CBLC: variants seen among roughly 807,000 people sequenced by gnomAD.
CBLC encodes the protein E3 ubiquitin-protein ligase CBL-C.
Under a neutral mutation model 58.6 loss-of-function variants are expected in CBLC, and 46 were observed. That is an observed-to-expected ratio of 0.79 (90% CI 0.62 to 1.00). The LOEUF (loss-of-function observed/expected upper bound fraction) is 1.00. Ranked by LOEUF, CBLC falls within the 50% of genes least tolerant of loss-of-function variation. The probability of loss-of-function intolerance (pLI) is 0.00; values close to 1 mark genes in which losing one functional copy is unlikely to be tolerated. For missense variants in CBLC, 655 were observed against 625.8 expected, an observed-to-expected ratio of 1.05 and a Z score of -0.50; for synonymous variants, 271 against 264.2, an observed-to-expected ratio of 1.03 and a Z score of -0.25.
Position 44,791,403 on chromosome 19 carries a change from G to C in CBLC, c.1006-980G>C, listed in dbSNP as rs142887024. Among the ~76,000 whole-genome samples, 1,270 of 152,152 alleles carry C rather than the reference G, an allele frequency of 8.3e-3. 24 individuals are homozygous for C. The highest frequency in any genetic ancestry group is 0.03 in the African/African-American group (1,225 of 41,514). On this transcript the variant is annotated intron_variant, in intron 6 of 10. Transcript: ENST00000647358. ...TATTTGCTAAATCTGGCACCACTGG[G>C]TGTAGACAACTGGGGAGAAGAAGTC...
At position 44,794,203 on chromosome 19, in the gene CBLC, G is replaced by A; in HGVS notation, c.1285-1G>A. The A allele has an allele frequency of 4.4e-6, 7 of 1,608,176 alleles. No homozygotes were observed. Among genetic ancestry groups the A allele is most frequent in the South Asian group, 2.2e-5 (2 of 90,332 alleles). ...CTTCTCCTTCCTCTGTCCCACCCCA[G>A]GTGCCCCTTTCGGCTCCTCCATTGC... On this transcript the variant is annotated splice_acceptor_variant, in intron 8 of 10. Transcript: ENST00000647358. LOFTEE classifies it high-confidence loss of function.
Position 44,793,637 on chromosome 19 carries a change from G to A in CBLC, c.1284+17G>A, listed in dbSNP as rs118085256. 0.032 allele frequency: 51,388 copies of A among 1,581,172 alleles called. 1,023 individuals are homozygous for A. The highest frequency in any genetic ancestry group is 0.055 in the Middle Eastern group (324 of 5,936). ...CTGGGGCAGGTGAGCAGGGCCAGCCGGGAGCTGGAATCCAAATTCCTGAGG... is the reference window on the plus strand; with the variant it reads ...CTGGGGCAGGTGAGCAGGGCCAGCCAGGAGCTGGAATCCAAATTCCTGAGG... On this transcript the variant is annotated intron_variant, in intron 8 of 10. Coordinates refer to ENST00000647358, the MANE Select transcript of CBLC (RefSeq NM_012116.4).
chr19:44,792,815 T>A (rs1385397033), intron 7 of CBLC, among the ~76,000 whole-genome samples: 1 of 152,092 alleles, frequency 6.6e-6, no homozygotes, highest in African/African-American at 2.4e-5. Context: ...CTTAGCCTCG[T>A]CCCCTGGAGA....
At chr19:44,786,642 G>T (rs1299111675) in intron 5 of CBLC, among the ~76,000 whole-genome samples, 1 of 151,744 alleles carries the variant, frequency 6.6e-6, no homozygotes, top group Non-Finnish European at 1.5e-5. Context: ...ACTTTATTCA[G>T]TACCTATTGT....
At chr19:44,790,175 A>G in intron 6 of CBLC, 84 bp downstream of exon 6, 2 of 1,026,994 alleles carry the variant, frequency 1.9e-6, no homozygotes, top group Non-Finnish European at 3.1e-6. Flanking sequence ...CTGGGGTTGG[A>G]ATGTTGGCTT....
rs1348916531 is a variant in CBLC at position 44,793,475 on chromosome 19, A to G, written c.1139A>G (p.His380Arg). 1 of 1,605,714 alleles carries G rather than the reference A, an allele frequency of 6.2e-7. No homozygotes were observed. The highest frequency in any genetic ancestry group is 1.3e-5 in the African/African-American group (1 of 74,396). ...CCTTTCCCTCCCGACCTCCCCCAGC[A>G]CTCGGACAGCCAGACCTGCCCCTTC... ...LCSCCLAAWQHSDSQTCPFCR... is the reference protein window; with the variant it reads ...LCSCCLAAWQRSDSQTCPFCR... The change falls in exon 8 of 11, where the codon CAC becomes CGC. Residue 380 changes from histidine to arginine, a missense_variant and splice_region_variant. Physicochemically the swap from His to Arg is conservative, Grantham distance 29 (BLOSUM62 0). Around this residue, in one of 3 missense-constraint regions of CBLC, gnomAD observed 371 missense variants for 370.8 expected, o/e 1.00. Transcript: ENST00000647358.
intron 9 of CBLC, among the ~76,000 whole-genome samples, chr19:44,797,111 C>A (rs939895321): frequency 6.6e-6 from 1 of 152,158 alleles, no homozygotes; most frequent in Admixed American, 6.5e-5. Flanking sequence ...CCGCCTCCCC[C>A]ACCCTTTCCT....
At chr19:44,793,284 C>T (rs1236414514) in intron 7 of CBLC, among the ~76,000 whole-genome samples, 190 bp from the exon 8 acceptor site, 1 of 152,104 alleles carries the variant, frequency 6.6e-6, no homozygotes, top group Non-Finnish European at 1.5e-5. Context: ...TGGTTCCGTT[C>T]CTCTCTCACC....
At chr19:44,787,407 AAAAAT>A (rs1338270124) in intron 5 of CBLC, among the ~76,000 whole-genome samples, 2 of 151,920 alleles carry the variant, frequency 1.3e-5, no homozygotes, top group African/African-American at 2.4e-5. Context: ...AAATAAAAAT[AAAAAT>A]AAAATAAAGT....
chr19:44,800,401 C>A lies in CBLC; in HGVS notation c.1383C>A (p.Ser461=), dbSNP rs781728391. ...TGCAGAGACTCCTAAAGGGGAACTC[C>A]CCTCCAGCTGCGCTGGGACCCCAGG... ...QPKVRLLKGN[S]PPAALGPQDP... Residue 461 remains serine, a synonymous_variant, in exon 10 of 11, where the codon TCC becomes TCA. Coordinates refer to ENST00000647358, the MANE Select transcript of CBLC (RefSeq NM_012116.4). The A allele has an allele frequency of 6.2e-7, 1 of 1,613,202 alleles. No homozygotes were observed. Among genetic ancestry groups the A allele is most frequent in the Admixed American group, 1.7e-5 (1 of 60,006 alleles).
intron 5 of CBLC, 80 bp from the exon 6 acceptor site, chr19:44,789,924 T>G (rs1427277849): frequency 1.1e-6 from 1 of 922,060 alleles, no homozygotes; most frequent in Admixed American, 1.7e-5. Context: ...TGGGGCCCTG[T>G]AGGGGGTAAA....
intron 9 of CBLC, among the ~76,000 whole-genome samples, chr19:44,796,693 T>A (rs1968185210): frequency 6.6e-6 from 1 of 152,092 alleles, no homozygotes; most frequent in Non-Finnish European, 1.5e-5. Flanking sequence ...CCTACTTATT[T>A]TTTAATAAGC....
chr19:44,797,376 G>A (rs1271640401), intron 9 of CBLC, among the ~76,000 whole-genome samples: 4 of 151,574 alleles, frequency 2.6e-5, no homozygotes, highest in East Asian at 3.9e-4. Flanking sequence ...TCAGCCTCCC[G>A]AGTAGATGGG....
chr19:44,782,611 C>A, intron 4 of CBLC, 120 bp downstream of exon 4: 2 of 776,186 alleles, frequency 2.6e-6, no homozygotes, highest in East Asian at 2.7e-5. Flanking sequence ...CCCAGGACCC[C>A]AGAGAGTTGA....
Position 44,793,504 on chromosome 19 carries a change from C to A in CBLC, c.1168C>A (p.Arg390Ser), listed in dbSNP as rs751385301. Residue 390 changes from arginine (R) to serine (S), a missense_variant, in exon 8 of 11, where the codon CGC becomes AGC. Transcript: ENST00000647358. ...GGACAGCCAGACCTGCCCCTTCTGC[C>A]GCTGCGAGATCAAGGGCTGGGAGGC... ...HSDSQTCPFC[R>S]CEIKGWEAVS... The A allele has an allele frequency of 1.2e-6, 2 of 1,612,484 alleles. No homozygotes were observed. Among genetic ancestry groups the A allele is most frequent in the South Asian group, 1.1e-5 (1 of 90,744 alleles).
rs374104325 is a variant in CBLC, at chr19:44,793,459, C to T, written c.1138-15C>T. 1 of 1,595,178 alleles carries T rather than the reference C, an allele frequency of 6.3e-7. No homozygotes were observed. The highest frequency in any genetic ancestry group is 8.5e-7 in the Non-Finnish European group (1 of 1,172,394). Reference sequence around the variant, plus strand: ...GCAGGGGAGCACTGACCCTTTCCCTCCCGACCTCCCCCAGCACTCGGACAG... The same window carrying T: ...GCAGGGGAGCACTGACCCTTTCCCTTCCGACCTCCCCCAGCACTCGGACAG... On this transcript the variant is annotated splice_polypyrimidine_tract_variant and intron_variant, in intron 7 of 10. Coordinates refer to ENST00000647358, the MANE Select transcript of CBLC (RefSeq NM_012116.4).
intron 5 of CBLC, among the ~76,000 whole-genome samples, chr19:44,786,635 T>G: frequency 6.6e-6 from 1 of 152,008 alleles, no homozygotes; most frequent in East Asian, 1.9e-4. Context: ...AATTGACACT[T>G]TATTCAGTAC....
intron 7 of CBLC, 77 bp from the exon 8 acceptor site, chr19:44,793,397 G>A (rs889958107): frequency 5.6e-6 from 8 of 1,438,116 alleles, no homozygotes; most frequent in African/African-American, 2.9e-5. Flanking sequence ...TCTTTTGGGC[G>A]GGGAGCTCCT....
intron 4 of CBLC, 28 bp from the exon 5 acceptor site, chr19:44,784,236 A>T: frequency 1.3e-6 from 2 of 1,551,208 alleles, no homozygotes; most frequent in Non-Finnish European, 1.8e-6. Flanking sequence ...CCACTCCCTC[A>T]CCCCATCCTA....
Sources: gnomAD v4.1 joint callset for allele counts (sites outside exome capture counted in the v4.1 genomes callset) on GRCh38, gnomAD v4.1.1 for gene constraint, gnomAD v4.1.1 regional missense constraint, MANE v1.5 for transcripts, NCBI Gene and HGNC (gene_info 2026-07-23, HGNC 2026-07-21) for gene names.